Variants in SALL2 observed in about 807,000 individuals in gnomAD.
The protein encoded by SALL2 is sal-like protein 2.
Under a neutral mutation model 58.5 loss-of-function variants are expected in SALL2, and 32 were observed. The ratio of observed to expected loss-of-function variants is 0.55; its 90% confidence interval spans 0.41 to 0.74. The LOEUF (loss-of-function observed/expected upper bound fraction) is 0.74, where lower values mean the gene tolerates loss of function less well. Ranked by LOEUF, SALL2 falls within the 30% of genes least tolerant of loss-of-function variation. SALL2 has a pLI of 0.00. For missense variants in SALL2, 1,201 were observed against 1,268.9 expected (o/e 0.95, Z 0.81); for synonymous variants, 516 against 513.6 (o/e 1.00, Z -0.06).
At chr14:21,527,829 G>C (rs57149584), upstream of SALL2, among the ~76,000 whole-genome samples, 1 of 151,322 alleles carries the variant, frequency 6.6e-6, no homozygotes, top group Non-Finnish European at 1.5e-5. Flanking sequence ...CTCCAGCTTC[G>C]GCAACATAGT....
At position 21,523,063 on chromosome 14, in the gene SALL2, T is replaced by A; in HGVS notation, c.2659A>T (p.Thr887Ser). The A allele has an allele frequency of 6.2e-7, 1 of 1,614,120 alleles. No individual in the cohort carries two copies. Among genetic ancestry groups the A allele is most frequent in the Non-Finnish European group, 8.5e-7 (1 of 1,180,014 alleles). Reference sequence around the variant, plus strand: ...TGCAGGCTCAGCTCCTCTACCAAGGTCACGCTGGTGGCTTCCCCTTCTGGG... The same window carrying A: ...TGCAGGCTCAGCTCCTCTACCAAGGACACGCTGGTGGCTTCCCCTTCTGGG... ...LTPEGEATSV[T>S]LVEELSLQEA... Residue 887 changes from threonine to serine, a missense_variant, in exon 2 of 2, where the codon ACC becomes TCC. By Grantham distance (58) the Thr-to-Ser change is moderately conservative (BLOSUM62 1). This residue lies in a region of SALL2 where 675 missense variants were observed against 683.8 expected (regional missense o/e 0.99). Coordinates refer to ENST00000537235, the MANE Select transcript of SALL2 (RefSeq NM_001364564.1). This position sits in a 1 kb window ranked among gnomAD's most constrained non-coding sequence, Gnocchi z 4.4.
In SALL2 at chr14:21,523,594, T is replaced by C; in HGVS notation, c.2128A>G (p.Met710Val). Residue 710 changes from methionine (M) to valine (V), a missense_variant, in exon 2 of 2, where the codon ATG becomes GTG. Transcript: ENST00000537235. The surrounding 1 kb of genome is among the most constrained non-coding windows in gnomAD (Gnocchi z 4.4). ...NAVTLQQHVRMHLGGQIPNGG... is the reference protein window; with the variant it reads ...NAVTLQQHVRVHLGGQIPNGG... ...TTGGGGATCTGGCCCCCCAGGTGCA[T>C]CCGGACATGCTGCTGCAGAGTGACA... 6.2e-7 allele frequency: 1 copy of C among 1,614,178 alleles called. No individual in the cohort carries two copies. Among genetic ancestry groups the C allele is most frequent in the African/African-American group, 1.3e-5 (1 of 75,048 alleles).
chr14:21,536,823 G>GC, intron 1 of SALL2: 3 of 1,609,612 alleles, frequency 1.9e-6, no homozygotes, highest in South Asian at 1.1e-5. Context: ...GGACTTAGGG[G>GC]CCCCCACCCC....
rs774406760 is a variant in SALL2, at chr14:21,522,747, C to A, written c.2975G>T (p.Gly992Val). The part of the protein sequence containing the change: ...PGCSPSITST[G>V]LSPFPRKDDP... ...ATCTTTTCGGGGAAAGGGGGAGAGC[C>A]CTGTGGAGGTGATGGAAGGCGAACA... The change falls in exon 2 of 2, where the codon GGG becomes GTG. Residue 992 changes from glycine to valine, a missense_variant. This residue lies in a region of SALL2 where 675 missense variants were observed against 683.8 expected (regional missense o/e 0.99). Coordinates refer to ENST00000537235, the MANE Select transcript of SALL2 (RefSeq NM_001364564.1). 1.1e-5 allele frequency: 17 copies of A among 1,551,380 alleles called. No individual in the cohort carries two copies. The highest frequency in any genetic ancestry group is 1.4e-5 in the Non-Finnish European group (16 of 1,152,622).
Position 21,525,961 on chromosome 14 carries a change from A to C in SALL2, c.67+100T>G. On this transcript the variant is annotated intron_variant, in intron 1 of 1. Coordinates refer to ENST00000537235, the MANE Select transcript of SALL2 (RefSeq NM_001364564.1). The surrounding 1 kb of genome is among the most constrained non-coding windows in gnomAD (Gnocchi z 4.4). ...TAGGTGTGGGGACAGGGGCCTACGC[A>C]GAGAATCATGCATTTTCTCCCACCC... 3.5e-6 allele frequency: 4 copies of C among 1,147,620 alleles called. No individual in the cohort carries two copies. Among genetic ancestry groups the C allele is most frequent in the Non-Finnish European group, 5.0e-6 (4 of 794,734 alleles). 71.1% of individuals were successfully genotyped at this position (1,147,620 alleles called of 1,614,324 possible). A position where few individuals can be genotyped will look rare whatever the true frequency, so the allele number is the denominator to read the frequency against.
chr14:21,526,020 T>C, intron 1 of SALL2, 41 bp downstream of exon 1: 134 of 809,258 alleles, frequency 1.7e-4, no homozygotes, highest in Middle Eastern at 2.5e-4. Flanking sequence ...CGCATCCCCC[T>C]CCGCCCCCAC....
At chr14:21,535,187 T>C (rs1892562559) in intron 1 of SALL2, among the ~76,000 whole-genome samples, 1 of 151,098 alleles carries the variant, frequency 6.6e-6, no homozygotes, top group East Asian at 1.9e-4. Context: ...CTACTAAAAA[T>C]ACAAAAAATT....
chr14:21,535,212 G>T (rs555826498), intron 1 of SALL2, among the ~76,000 whole-genome samples: 113 of 152,150 alleles, frequency 7.4e-4, no homozygotes, highest in Middle Eastern at 3.4e-3. Flanking sequence ...CGGCGTGGTG[G>T]CAGGCGCCTA....
rs140325387 is a variant in SALL2, at chr14:21,523,881, G to A, written c.1841C>T (p.Thr614Ile). ...AVTSAASGAPTTSAPAPSSSA... is the reference protein window; with the variant it reads ...AVTSAASGAPITSAPAPSSSA... ...GGATGAAGGTGCAGGGGCAGAGGTG[G>A]TGGGGGCTCCTGAGGCAGCTGAGGT... Residue 614 changes from threonine to isoleucine, a missense_variant, in exon 2 of 2, where the codon ACC (threonine) becomes ATC (isoleucine). By Grantham distance (89) the Thr-to-Ile change is moderately conservative. This residue lies in a region of SALL2 where 675 missense variants were observed against 683.8 expected (regional missense o/e 0.99). Coordinates refer to ENST00000537235, the MANE Select transcript of SALL2 (RefSeq NM_001364564.1). This position sits in a 1 kb window ranked among gnomAD's most constrained non-coding sequence, Gnocchi z 4.4. 3.3e-4 allele frequency: 537 copies of A among 1,614,246 alleles called. No individual in the cohort carries two copies. Among genetic ancestry groups the A allele is most frequent in the Non-Finnish European group, 4.2e-4 (495 of 1,180,040 alleles).
Position 21,526,219 on chromosome 14 carries a change from TGCACCCA to T in SALL2, c.-99_-93del, listed in dbSNP as rs1362842898. The T allele has an allele frequency of 2.7e-6, 4 of 1,503,530 alleles. No homozygotes were observed. The highest frequency in any genetic ancestry group is 3.5e-6 in the Non-Finnish European group (4 of 1,128,210). The allele number at this position is 1,503,530 out of a possible 1,614,324, so 93.1% of individuals were successfully genotyped here. A position where few individuals can be genotyped will look rare whatever the true frequency, so the allele number is the denominator to read the frequency against. On this transcript the variant is annotated 5_prime_UTR_variant, in exon 1 of 2. Coordinates refer to ENST00000537235, the MANE Select transcript of SALL2 (RefSeq NM_001364564.1). ...TGGCCGCTGGGTCTGCGGCAGCCTC[TGCACCCA>T]GCGGCCCAGACTGCGGAGATGGAGA...
upstream of SALL2, among the ~76,000 whole-genome samples, chr14:21,530,281 C>CTTTTTTTTTTTTT (rs34598628): frequency 1.6e-3 from 104 of 64,806 alleles, no homozygotes; most frequent in Non-Finnish European, 1.9e-3. Flanking sequence ...TTTTTTCTTT[C>CTTTTTTTTTTTTT]TTTTTTTTTT....
chr14:21,524,897 A>G lies in SALL2; in HGVS notation c.825T>C (p.Leu275=), dbSNP rs761838570. ...AETPKQAFFH[L]YHPLGSQHPF... ...GATGCTGTGACCCCAGTGGGTGGTA[A>G]AGGTGGAAGAAGGCCTGCTTGGGCG... The change falls in exon 2 of 2, where the codon CTT becomes CTC. Residue 275 remains leucine (L), a synonymous_variant. Coordinates refer to ENST00000537235, the MANE Select transcript of SALL2 (RefSeq NM_001364564.1). 3.7e-6 allele frequency: 6 copies of G among 1,614,056 alleles called. No individual in the cohort carries two copies. The Admixed American group carries it at 1.0e-4, about 27-fold the overall frequency.
At chr14:21,527,197 T>TG (rs544414126), upstream of SALL2, among the ~76,000 whole-genome samples, 16 of 152,066 alleles carry the variant, frequency 1.1e-4, no homozygotes, top group African/African-American at 2.9e-4. Flanking sequence ...AGCTCTAACC[T>TG]GGGGGGGAGG....
rs773916938 is a variant in SALL2 at position 21,525,034 on chromosome 14, C to G, written c.688G>C (p.Ala230Pro). 2 of 1,613,714 alleles carry G rather than the reference C, an allele frequency of 1.2e-6. No homozygotes were observed. Among genetic ancestry groups the G allele is most frequent in the South Asian group, 2.2e-5 (2 of 91,014 alleles). Residue 230 changes from alanine (A) to proline (P), a missense_variant, in exon 2 of 2, where the codon GCC (alanine) becomes CCC (proline). This residue lies in a region of SALL2 where 467 missense variants were observed against 468.9 expected (regional missense o/e 1.00). Transcript: ENST00000537235. The surrounding 1 kb of genome is among the most constrained non-coding windows in gnomAD (Gnocchi z 4.4). Reference protein sequence around the residue: ...SPSELPGTGTASSTKPLLPLF... With the variant: ...SPSELPGTGTPSSTKPLLPLF... The stretch of plus-strand genomic sequence containing the variant: ...GGTAGTAGGGGCTTGGTGGAAGAGG[C>G]AGTCCCTGTCCCAGGTAGCTCTGAG...
In SALL2 at chr14:21,525,694, T is replaced by G; in HGVS notation, c.68-40A>C. On this transcript the variant is annotated intron_variant, in intron 1 of 1. Transcript: ENST00000537235. This position sits in a 1 kb window ranked among gnomAD's most constrained non-coding sequence, Gnocchi z 4.4. ...AGGAGAGAGAGCGTGGGTGGCGCAG[T>G]TGGGTTGGGTATACCGAGGCTCTAA... 6.5e-7 allele frequency: 1 copy of G among 1,530,448 alleles called. No individual in the cohort carries two copies. Among genetic ancestry groups the G allele is most frequent in the Non-Finnish European group, 8.8e-7 (1 of 1,138,724 alleles). 94.8% of individuals were successfully genotyped at this position (1,530,448 alleles called of 1,614,324 possible). A position where few individuals can be genotyped will look rare whatever the true frequency, so the allele number is the denominator to read the frequency against.
In SALL2 at chr14:21,525,348, AC is replaced by A; in HGVS notation, c.373del (p.Val125SerfsTer14). The A allele has an allele frequency of 6.2e-7, 1 of 1,613,970 alleles. No individual in the cohort carries two copies. The highest frequency in any genetic ancestry group is 8.5e-7 in the Non-Finnish European group (1 of 1,179,926). On this transcript the variant is annotated frameshift_variant, in exon 2 of 2. Transcript: ENST00000537235. LOFTEE classifies it high-confidence loss of function. This position sits in a 1 kb window ranked among gnomAD's most constrained non-coding sequence, Gnocchi z 4.4. ...CCCAGCCGCTGTACCTGTGGCAGCG[AC>A]CAGGAAATGCCCTGAAGACTCCTCT... ...RGEESSGHFL[V>X]AATGTAAGGG...
Position 21,522,103 on chromosome 14 carries a change from C to A in SALL2, c.*601G>T, listed in dbSNP as rs543045059. ...GTCTTCTCCTTGGCTTCCCTGGATC[C>A]CATTGTTGGAGGCACCTTCCCAGCC... On this transcript the variant is annotated 3_prime_UTR_variant, in exon 2 of 2. Transcript: ENST00000537235. The A allele has an allele frequency of 5.6e-6, 9 of 1,597,836 alleles. No individual in the cohort carries two copies. In the African/African-American group the frequency reaches 9.3e-5, roughly 17 times the overall value.
chr14:21,526,607 C>G (rs1831790458), upstream of SALL2: 2 of 638,912 alleles, frequency 3.1e-6, no homozygotes, highest in Non-Finnish European at 4.0e-6. Context: ...CTCCTAAGCT[C>G]TAGGGGCACA....
chr14:21,533,638 G>A (rs1473470155), intron 1 of SALL2, among the ~76,000 whole-genome samples: 2 of 151,548 alleles, frequency 1.3e-5, no homozygotes, highest in South Asian at 2.1e-4. Flanking sequence ...AGTGAATAGA[G>A]TATTTCCTGC....
Sources: gnomAD v4.1 joint callset for allele counts (sites outside exome capture counted in the v4.1 genomes callset) on GRCh38, gnomAD v4.1.1 for gene constraint, gnomAD v4.1.1 regional missense constraint, Gnocchi (gnomAD v3.1) non-coding constraint, MANE v1.5 for transcripts, NCBI Gene and HGNC (gene_info 2026-07-23, HGNC 2026-07-21) for gene names.